The following DENND4A variants were observed in gnomAD, a reference collection of about 807,000 sequenced individuals.
DENND4A encodes the protein C-myc promoter-binding protein.
DENND4A carries 70 observed loss-of-function variants against 199.3 expected under a neutral mutation model. That is an observed-to-expected ratio of 0.35 (90% CI 0.29 to 0.43). DENND4A has a LOEUF of 0.43. Among genes scored for constraint, DENND4A ranks in the 20% least tolerant of loss-of-function variants. The probability of loss-of-function intolerance (pLI) is 1.00; values close to 1 mark genes in which losing one functional copy is unlikely to be tolerated. For synonymous variants in DENND4A, 686 were observed against 766.9 expected (o/e 0.89, Z 1.74); for missense variants, 1,723 against 2,255.8 (o/e 0.76, Z 4.78).
intron 1 of DENND4A, among the ~76,000 whole-genome samples, chr15:65,779,808 C>G (rs1389023870): frequency 3.9e-5 from 6 of 152,140 alleles, no homozygotes; most frequent in Non-Finnish European, 4.4e-5. Flanking sequence ...TACCACCATG[C>G]CCAGCTAATT....
At chr15:65,745,738 A>C (rs1005560909) in intron 4 of DENND4A, among the ~76,000 whole-genome samples, 1 of 152,212 alleles carries the variant, frequency 6.6e-6, no homozygotes, top group Admixed American at 6.5e-5. Context: ...GACCATTTGG[A>C]TATAGTAGAA....
intron 16 of DENND4A, 31 bp from the exon 17 acceptor site, chr15:65,702,542 A>G: frequency 6.6e-7 from 1 of 1,518,174 alleles, no homozygotes; most frequent in Non-Finnish European, 9.0e-7. Context: ...TTACTAATAA[A>G]TTTATGCACT....
rs1424857677 is a variant in DENND4A at position 65,717,870 on chromosome 15, G to C, written c.1715C>G (p.Ser572Cys). 4.4e-6 allele frequency: 7 copies of C among 1,604,252 alleles called. No individual in the cohort carries two copies. Among genetic ancestry groups the C allele is most frequent in the Middle Eastern group, 1.6e-4 (1 of 6,074 alleles). The change falls in exon 13 of 33, where the codon TCT (serine) becomes TGT (cysteine). Residue 572 changes from serine (S) to cysteine (C), a missense_variant. By Grantham distance (112) the Ser-to-Cys change is moderately radical. Around this residue, in one of 6 missense-constraint regions of DENND4A, gnomAD observed 725 missense variants for 952.9 expected, o/e 0.76. Coordinates refer to ENST00000443035, the MANE Select transcript of DENND4A (RefSeq NM_001320835.1). ...IQEAFLFFMA[S>C]ILKGYRSYLR... Reference sequence around the variant, plus strand: ...GTATGATCTGTAACCTTTTAAAATAGAGGCCATGAAAAACAAAAATGCCTC... The same window carrying C: ...GTATGATCTGTAACCTTTTAAAATACAGGCCATGAAAAACAAAAATGCCTC...
At chr15:65,694,499 A>G (rs1467719837) in intron 22 of DENND4A, among the ~76,000 whole-genome samples, 1 of 152,160 alleles carries the variant, frequency 6.6e-6, no homozygotes, top group Non-Finnish European at 1.5e-5. Context: ...TCAATATCCA[A>G]TCAAACATTA....
chr15:65,678,781 T>A (rs2076472829), intron 23 of DENND4A, among the ~76,000 whole-genome samples: 1 of 151,852 alleles, frequency 6.6e-6, no homozygotes, highest in African/African-American at 2.4e-5. Flanking sequence ...CCTCGACTCC[T>A]CAGGCTCAGG....
rs753534724 is a variant in DENND4A, at chr15:65,751,494, G to A, written c.561+885C>T. Among the ~76,000 whole-genome samples, 8 of 152,262 alleles carry A rather than the reference G, an allele frequency of 5.3e-5. No homozygotes were observed. In the South Asian group the frequency reaches 1.0e-3, roughly 20 times the overall value. On this transcript the variant is annotated intron_variant, in intron 4 of 32. Coordinates refer to ENST00000443035, the MANE Select transcript of DENND4A (RefSeq NM_001320835.1). ...AGACAAATTTAGAAGTCATCCACAC[G>A]TGGCCTATATTTAAATGATTAGATC...
chr15:65,737,044 A>G (rs1304815554), intron 7 of DENND4A, among the ~76,000 whole-genome samples: 2 of 152,162 alleles, frequency 1.3e-5, no homozygotes, highest in Non-Finnish European at 2.9e-5. Context: ...CTTTACATTC[A>G]TTATATGTAA....
Position 65,668,005 on chromosome 15 carries a change from C to G in DENND4A, c.4906G>C (p.Gly1636Arg), listed in dbSNP as rs1321829021. The change falls in exon 28 of 33, where the codon GGC becomes CGC. Residue 1636 changes from glycine (G) to arginine (R), a missense_variant. Gly to Arg is a moderately radical substitution (Grantham distance 125). Coordinates refer to ENST00000443035, the MANE Select transcript of DENND4A (RefSeq NM_001320835.1). ...FPMARSISTS[G>R]PLDKEDTGRQ... ...CCAGTATCTTCCTTATCCAAGGGGC[C>G]AGAAGTACTAATACTCCTGGCCATT... 6.2e-7 allele frequency: 1 copy of G among 1,611,868 alleles called. No homozygotes were observed. The highest frequency in any genetic ancestry group is 1.3e-5 in the African/African-American group (1 of 74,838).
chr15:65,662,187 T>C (rs1312558514), intron 32 of DENND4A, among the ~76,000 whole-genome samples, 200 bp from the exon 33 acceptor site: 1 of 152,214 alleles, frequency 6.6e-6, no homozygotes, highest in African/African-American at 2.4e-5. Flanking sequence ...TTTTTAATTT[T>C]ACCAGGTACA....
chr15:65,706,836 T>A (rs2075079370), intron 14 of DENND4A, among the ~76,000 whole-genome samples: 1 of 152,128 alleles, frequency 6.6e-6, no homozygotes, highest in Admixed American at 6.5e-5. Flanking sequence ...ACTAGAAGGA[T>A]ACTAAGAAAA....
intron 14 of DENND4A, chr15:65,715,141 G>A (rs1281220301): frequency 5.4e-6 from 1 of 185,134 alleles, no homozygotes; most frequent in Non-Finnish European, 1.1e-5. Flanking sequence ...ACCCATATCA[G>A]ACAAAAAGGA....
chr15:65,758,857 G>T (rs957334425), intron 2 of DENND4A, among the ~76,000 whole-genome samples: 1 of 152,066 alleles, frequency 6.6e-6, no homozygotes, highest in Middle Eastern at 3.2e-3. Flanking sequence ...GATAAAGGCA[G>T]CCGATAAACT....
In DENND4A at chr15:65,770,895, T is replaced by C. The variant is rs1270608069; in HGVS notation, c.-101-9457A>G. On this transcript the variant is annotated intron_variant, in intron 1 of 32. Coordinates refer to ENST00000443035, the MANE Select transcript of DENND4A (RefSeq NM_001320835.1). ...GAGAATCACTAAAACTGGAAATTGCTACAGGTGTGATAATCCTTTCTCAAG... is the reference window on the plus strand; with the variant it reads ...GAGAATCACTAAAACTGGAAATTGCCACAGGTGTGATAATCCTTTCTCAAG... Among the ~76,000 whole-genome samples, 4 of 152,238 alleles carry C rather than the reference T, an allele frequency of 2.6e-5. No homozygotes were observed. The East Asian group carries it at 7.7e-4, about 29-fold the overall frequency.
chr15:65,789,682 C>T (rs569835360), intron 1 of DENND4A, among the ~76,000 whole-genome samples: 1 of 152,250 alleles, frequency 6.6e-6, no homozygotes, highest in East Asian at 1.9e-4. Flanking sequence ...TAGAACAACG[C>T]ACCATCAATT....
intron 1 of DENND4A, chr15:65,771,930 A>G: frequency 1.9e-6 from 3 of 1,608,752 alleles, no homozygotes; most frequent in East Asian, 2.2e-5. Context: ...CAAGCTTTCT[A>G]TAAGCTTTTT....
At chr15:65,734,113 A>G (rs1054000573) in intron 7 of DENND4A, among the ~76,000 whole-genome samples, 29 of 152,286 alleles carry the variant, frequency 1.9e-4, no homozygotes, top group African/African-American at 7.0e-4. Flanking sequence ...AGAGGAAGGC[A>G]TGCCTCTTGC....
intron 22 of DENND4A, among the ~76,000 whole-genome samples, chr15:65,694,240 G>A (rs1390922283): frequency 2.6e-5 from 4 of 152,182 alleles, no homozygotes; most frequent in Non-Finnish European, 5.9e-5. Flanking sequence ...CCTGAGGTTG[G>A]GAATTTGAGA....
chr15:65,685,129 C>T (rs1416058725), intron 23 of DENND4A, among the ~76,000 whole-genome samples: 1 of 150,354 alleles, frequency 6.7e-6, no homozygotes, highest in Non-Finnish European at 1.5e-5. Flanking sequence ...GCCCCGCCCA[C>T]AATTTTTTTT....
chr15:65,706,788 C>T (rs1370282216), intron 14 of DENND4A, among the ~76,000 whole-genome samples: 5 of 152,134 alleles, frequency 3.3e-5, no homozygotes, highest in Non-Finnish European at 7.4e-5. Flanking sequence ...GCCACAGCGC[C>T]CGGCCTTTCA....
Sources: allele counts gnomAD v4.1 joint callset (sites outside exome capture counted in the v4.1 genomes callset), GRCh38; gene constraint gnomAD v4.1.1; regional missense constraint gnomAD v4.1.1; transcripts MANE v1.5; gene names NCBI Gene and HGNC (gene_info 2026-07-23, HGNC 2026-07-21).